Variants in UPF3A observed in about 807,000 individuals in gnomAD.
The protein encoded by UPF3A is regulator of nonsense transcripts 3A.
UPF3A carries 42 observed loss-of-function variants against 53.5 expected under a neutral mutation model. That is an observed-to-expected ratio of 0.78 (90% CI 0.61 to 1.01). The LOEUF is 1.01. Among genes scored for constraint, UPF3A ranks in the 50% least tolerant of loss-of-function variants. The pLI is 0.00. For missense variants in UPF3A, 575 were observed against 598.0 expected (o/e 0.96, Z 0.40); for synonymous variants, 237 against 225.3 (o/e 1.05, Z -0.47).
rs192176083 is a variant in UPF3A at position 114,300,440 on chromosome 13, C to T, written c.1008-1291C>T. Among the ~76,000 whole-genome samples the T allele has an allele frequency of 1.1e-3, 166 of 152,272 alleles. 1 individual carries two copies. The highest frequency in any genetic ancestry group is 3.7e-3 in the African/African-American group (154 of 41,560). ...AGGCTGGAGTGCAGTGGCACGATCT[C>T]GGCTCACTGCAACCTCCGCCTCCCA... On this transcript the variant is annotated intron_variant, in intron 8 of 9. Coordinates refer to ENST00000375299, the MANE Select transcript of UPF3A (RefSeq NM_023011.4).
chr13:114,288,314 T>C (rs2084927804), intron 5 of UPF3A, among the ~76,000 whole-genome samples: 1 of 151,590 alleles, frequency 6.6e-6, no homozygotes, highest in Non-Finnish European at 1.5e-5. Context: ...TGTGACAAAG[T>C]GGAATATGGG....
intron 7 of UPF3A, among the ~76,000 whole-genome samples, chr13:114,293,221 T>C (rs1305549130): frequency 1.3e-5 from 2 of 148,302 alleles, no homozygotes; most frequent in African/African-American, 5.0e-5. Flanking sequence ...CCATCTCTAC[T>C]AAAAACACAA....
intron 9 of UPF3A, among the ~76,000 whole-genome samples, chr13:114,303,514 G>A (rs911913935): frequency 6.6e-6 from 1 of 152,150 alleles, no homozygotes; most frequent in Admixed American, 6.5e-5. Context: ...GGCCCGGTGC[G>A]GTGGCTCATG....
Position 114,305,403 on chromosome 13 carries a change from C to T in UPF3A, c.*486C>T, listed in dbSNP as rs1425605545. On this transcript the variant is annotated 3_prime_UTR_variant, in exon 10 of 10. Transcript: ENST00000375299. Reference sequence around the variant, plus strand: ...TACAACCTTTGTGAGTCAGCCATGCCCGCAAAGCGTGCTGTGTTTTAGTCC... The same window carrying T: ...TACAACCTTTGTGAGTCAGCCATGCTCGCAAAGCGTGCTGTGTTTTAGTCC... 3.8e-5 allele frequency: 8 copies of T among 208,370 alleles called. No individual in the cohort carries two copies. Among genetic ancestry groups the T allele is most frequent in the Non-Finnish European group, 7.9e-5 (8 of 101,058 alleles). 12.9% of individuals were successfully genotyped at this position (208,370 alleles called of 1,614,324 possible).
At chr13:114,304,681 G>A in intron 9 of UPF3A, 108 bp from the exon 10 acceptor site, 2 of 1,460,070 alleles carry the variant, frequency 1.4e-6, no homozygotes, top group Non-Finnish European at 1.8e-6. Flanking sequence ...CTGCCTAGTT[G>A]ATTTTCTTTG....
chr13:114,286,455 A>G (rs2084699495), intron 4 of UPF3A, 55 bp downstream of exon 4: 2 of 1,612,200 alleles, frequency 1.2e-6, no homozygotes, highest in East Asian at 2.2e-5. Flanking sequence ...AACACTGAGC[A>G]AATGTAATTC....
intron 7 of UPF3A, among the ~76,000 whole-genome samples, chr13:114,293,052 A>G (rs1289332632): frequency 7.2e-6 from 1 of 138,740 alleles, no homozygotes; most frequent in African/African-American, 2.8e-5. Flanking sequence ...AGCCTGGGCG[A>G]CAGAGCAAGA....
chr13:114,284,900 C>G (rs995761846), intron 3 of UPF3A, among the ~76,000 whole-genome samples: 39 of 152,354 alleles, frequency 2.6e-4, no homozygotes, highest in East Asian at 9.6e-4. Context: ...CGATTCCCCC[C>G]ACATTGGCCT....
intron 3 of UPF3A, chr13:114,283,982 G>A: frequency 1.0e-6 from 1 of 985,434 alleles, no homozygotes. Flanking sequence ...TAGTTCCTGT[G>A]ACTAGAAGCA....
At chr13:114,300,360 ATTATTTTATT>A (rs942798002) in intron 8 of UPF3A, among the ~76,000 whole-genome samples, 1 of 151,886 alleles carries the variant, frequency 6.6e-6, no homozygotes. Flanking sequence ...ATTTTGTTTT[ATTATTTTATT>A]TTATTTTAAT....
chr13:114,297,595 G>A (rs1469045254), intron 7 of UPF3A, among the ~76,000 whole-genome samples: 1 of 152,174 alleles, frequency 6.6e-6, no homozygotes, highest in Non-Finnish European at 1.5e-5. Flanking sequence ...ACTTTGGGAG[G>A]CCAACGCTGG....
chr13:114,294,455 G>A (rs1183751739), intron 7 of UPF3A, among the ~76,000 whole-genome samples: 1 of 152,074 alleles, frequency 6.6e-6, no homozygotes, highest in African/African-American at 2.4e-5. Flanking sequence ...TAGAAGTGGG[G>A]GTCTCACTAT....
At chr13:114,300,147 G>T (rs2086463950) in intron 8 of UPF3A, among the ~76,000 whole-genome samples, 1 of 152,136 alleles carries the variant, frequency 6.6e-6, no homozygotes, top group South Asian at 2.1e-4. Flanking sequence ...GTCCCCAACA[G>T]CCCTGGCAAA....
chr13:114,297,398 C>A (rs1386469014), intron 7 of UPF3A, among the ~76,000 whole-genome samples: 1 of 152,160 alleles, frequency 6.6e-6, no homozygotes, highest in Non-Finnish European at 1.5e-5. Flanking sequence ...AAACTATAAA[C>A]TATTCTAAAA....
At chr13:114,304,655 AAG>A in intron 9 of UPF3A, 132 bp from the exon 10 acceptor site, 1 of 1,276,766 alleles carries the variant, frequency 7.8e-7, no homozygotes, top group East Asian at 2.4e-5. Context: ...GCTGTGAAAA[AAG>A]GGCTGATTTT....
Position 114,304,732 on chromosome 13 carries a change from T to C in UPF3A, c.1303-57T>C, listed in dbSNP as rs866647499. ...CAAGTTCTAGAAATATAGGGAGATA[T>C]TGACCCTTCTGTGTTGCTACCTCTT... is the stretch of plus-strand genomic sequence containing the variant. On this transcript the variant is annotated intron_variant, in intron 9 of 9. Coordinates refer to ENST00000375299, the MANE Select transcript of UPF3A (RefSeq NM_023011.4). 1.9e-4 allele frequency: 296 copies of C among 1,586,038 alleles called. 1 individual carries two copies. The Middle Eastern group carries it at 3.9e-3, about 21-fold the overall frequency.
chr13:114,288,574 C>G (rs537990390), intron 5 of UPF3A, among the ~76,000 whole-genome samples: 1 of 152,278 alleles, frequency 6.6e-6, no homozygotes, highest in South Asian at 2.1e-4. Context: ...CATTTAGATT[C>G]ATTCCAGGGC....
chr13:114,304,358 T>A (rs749825361), intron 9 of UPF3A, among the ~76,000 whole-genome samples: 2 of 152,188 alleles, frequency 1.3e-5, no homozygotes, highest in Non-Finnish European at 2.9e-5. Context: ...TGGGGTGATG[T>A]CTTCTAAAAA....
intron 7 of UPF3A, among the ~76,000 whole-genome samples, chr13:114,295,658 A>C (rs1566758300): frequency 6.6e-6 from 1 of 152,082 alleles, no homozygotes; most frequent in South Asian, 2.1e-4. Flanking sequence ...ACCTGAGGTT[A>C]TCTTATTCCT....
Sources: allele counts gnomAD v4.1 joint callset (sites outside exome capture counted in the v4.1 genomes callset), GRCh38; gene constraint gnomAD v4.1.1; transcripts MANE v1.5; gene names NCBI Gene and HGNC (gene_info 2026-07-23, HGNC 2026-07-21).